The following SBSN variants were observed in gnomAD, a reference collection of about 807,000 sequenced individuals.
The protein encoded by SBSN is HLAR698.
In SBSN, 33 loss-of-function variants were observed where a neutral mutation model predicts 42.8. The observed-to-expected ratio is 0.77, with a 90% CI of 0.58 to 1.03. The LOEUF is 1.03. Among genes scored for constraint, SBSN ranks in the 50% least tolerant of loss-of-function variants. The probability of loss-of-function intolerance (pLI) is 0.00; values close to 1 mark genes in which losing one functional copy is unlikely to be tolerated. For synonymous variants in SBSN, 276 were observed against 307.0 expected, an observed-to-expected ratio of 0.90 and a Z score of 1.06; for missense variants, 646 against 757.3, an observed-to-expected ratio of 0.85 and a Z score of 1.72.
rs147029257 is a variant in SBSN, at chr19:35,524,919, G to T, written c.1644C>A (p.Asn548Lys). Residue 548 changes from asparagine to lysine, a missense_variant, in exon 2 of 4, where the codon AAC becomes AAA. Around this residue, in one of 3 missense-constraint regions of SBSN, gnomAD observed 236 missense variants for 225.6 expected, o/e 1.05. Transcript: ENST00000452271. ...SKEANQLLNG[N>K]HQSGSSSHQG... is the part of the protein sequence containing the mutation. ...GATGGCTGGAAGATCCGCTTTGATG[G>T]TTGCCCTGTGGACAAAGCCCAGACT... 1.2e-5 allele frequency: 19 copies of T among 1,613,862 alleles called. No individual in the cohort carries two copies. In the African/African-American group the frequency reaches 2.5e-4, roughly 22 times the overall value.
rs2146282881 is a variant in SBSN, at chr19:35,526,655, G to T, written c.1627C>A (p.Gln543Lys). The T allele has an allele frequency of 6.9e-6, 11 of 1,595,820 alleles. No individual in the cohort carries two copies. Among genetic ancestry groups the T allele is most frequent in the Non-Finnish European group, 9.4e-6 (11 of 1,173,334 alleles). Reference sequence around the variant, plus strand: ...CCCTGTTCACCTACATTCAGCAGCTGGTTGGCCTCCTTGCTGGCTTGGTTG... The same window carrying T: ...CCCTGTTCACCTACATTCAGCAGCTTGTTGGCCTCCTTGCTGGCTTGGTTG... ...GVNQASKEAN[Q>K]LLNGNHQSGS... The change falls in exon 1 of 4, where the codon CAG (glutamine) becomes AAG (lysine). Residue 543 changes from glutamine to lysine, a missense_variant. This residue lies in a region of SBSN where 236 missense variants were observed against 225.6 expected (regional missense o/e 1.05). Coordinates refer to ENST00000452271, the MANE Select transcript of SBSN (RefSeq NM_001166034.2).
intron 2 of SBSN, 24 bp downstream of exon 2, chr19:35,524,835 C>A (rs1208721108): frequency 6.2e-7 from 1 of 1,613,852 alleles, no homozygotes; most frequent in Non-Finnish European, 8.5e-7. Flanking sequence ...GCCTCCTCTC[C>A]CCTACCCCAG....
intron 3 of SBSN, 56 bp downstream of exon 3, chr19:35,524,655 G>C (rs2071348103): frequency 8.2e-6 from 13 of 1,588,960 alleles, no homozygotes; most frequent in Non-Finnish European, 2.6e-6. Context: ...GAAGGGGTCG[G>C]GGTGAGCGTA....
intron 1 of SBSN, 104 bp from the exon 2 acceptor site, chr19:35,525,028 G>T: frequency 1.6e-6 from 2 of 1,218,148 alleles, no homozygotes; most frequent in Non-Finnish European, 2.4e-6. Flanking sequence ...CTGGGGCTGC[G>T]GTGGGAGGCA....
intron 1 of SBSN, 55 bp from the exon 2 acceptor site, chr19:35,524,979 A>C: frequency 6.3e-7 from 1 of 1,588,190 alleles, no homozygotes; most frequent in Admixed American, 1.7e-5. Context: ...AGGGTCTCCC[A>C]GTTCCTTTTC....
intron 1 of SBSN, among the ~76,000 whole-genome samples, chr19:35,526,399 G>T (rs1037328324): frequency 6.6e-5 from 10 of 152,054 alleles, no homozygotes; most frequent in Non-Finnish European, 1.5e-4. Context: ...GGTGGGACAG[G>T]GTGCCCGCCA....
chr19:35,527,525 C>T lies in SBSN; in HGVS notation c.757G>A (p.Ala253Thr), dbSNP rs1381947536. ...GQGAHHAAGQAGNEAGRFGQG... is the reference protein window; with the variant it reads ...GQGAHHAAGQTGNEAGRFGQG... ...CCAAATCTCCCTGCCTCATTTCCGG[C>T]CTGCCCCGCAGCATGGTGGGCCCCC... is the stretch of plus-strand genomic sequence containing the variant. Residue 253 changes from alanine (A) to threonine (T), a missense_variant, in exon 1 of 4, where the codon GCC becomes ACC. By Grantham distance (58) the Ala-to-Thr change is moderately conservative. Coordinates refer to ENST00000452271, the MANE Select transcript of SBSN (RefSeq NM_001166034.2). The T allele has an allele frequency of 3.3e-6, 5 of 1,527,736 alleles. No homozygotes were observed. The highest frequency in any genetic ancestry group is 4.4e-6 in the Non-Finnish European group (5 of 1,146,838). The allele number at this position is 1,527,736 out of a possible 1,614,324, so 94.6% of individuals were successfully genotyped here. A position where few individuals can be genotyped will look rare whatever the true frequency, so the allele number is the denominator to read the frequency against.
chr19:35,525,527 C>T (rs2071360925), intron 1 of SBSN, among the ~76,000 whole-genome samples: 1 of 149,146 alleles, frequency 6.7e-6, no homozygotes, highest in Admixed American at 6.7e-5. Context: ...GAGCCAGTCA[C>T]ATCTTGCAGA....
In SBSN at chr19:35,526,803, T is replaced by C; in HGVS notation, c.1479A>G (p.Lys493=). The C allele has an allele frequency of 6.2e-7, 1 of 1,602,312 alleles. No homozygotes were observed. The highest frequency in any genetic ancestry group is 1.1e-5 in the South Asian group (1 of 89,246). The part of the protein sequence containing the change: ...GVHQAGKEAE[K]LGQGVNHAAD... ...CAGCATGGTTGACCCCTTGGCCAAGTTTCTCTGCTTCCTTCCCAGCCTGGT... is the reference window on the plus strand; with the variant it reads ...CAGCATGGTTGACCCCTTGGCCAAGCTTCTCTGCTTCCTTCCCAGCCTGGT... Residue 493 remains lysine, a synonymous_variant, in exon 1 of 4, where the codon AAA becomes AAG. Transcript: ENST00000452271.
chr19:35,524,866 G>T lies in SBSN; in HGVS notation c.1697C>A (p.Ala566Asp). The T allele has an allele frequency of 6.2e-7, 1 of 1,614,118 alleles. No individual in the cohort carries two copies. Among genetic ancestry groups the T allele is most frequent in the Non-Finnish European group, 8.5e-7 (1 of 1,180,008 alleles). Residue 566 changes from alanine (A) to aspartate (D), a missense_variant, in exon 2 of 4, where the codon GCC (alanine) becomes GAC (aspartate). Ala to Asp is a moderately radical substitution (Grantham distance 126). Coordinates refer to ENST00000452271, the MANE Select transcript of SBSN (RefSeq NM_001166034.2). ...CCCAGAGTCCGCGCTTACCCCAGAGGCTAACGGCGTGGTTGTGGCCCCTCC... is the reference window on the plus strand; with the variant it reads ...CCCAGAGTCCGCGCTTACCCCAGAGTCTAACGGCGTGGTTGTGGCCCCTCC... Reference protein sequence around the residue: ...HQGGATTTPLASGASVNTPFI... With the variant: ...HQGGATTTPLDSGASVNTPFI...
chr19:35,526,588 A>G, intron 1 of SBSN, 56 bp downstream of exon 1: 6 of 623,304 alleles, frequency 9.6e-6, no homozygotes, highest in Non-Finnish European at 1.3e-5. Context: ...CCAGGGGTTT[A>G]ACCTTTCCCT....
chr19:35,526,790 C>A lies in SBSN; in HGVS notation c.1492G>T (p.Val498Phe), dbSNP rs369207485. Residue 498 changes from valine (V) to phenylalanine (F), a missense_variant, in exon 1 of 4, where the codon GTC (valine) becomes TTC (phenylalanine). Physicochemically the swap from Val to Phe is conservative, Grantham distance 50. This residue lies in a region of SBSN where 236 missense variants were observed against 225.6 expected (regional missense o/e 1.05). Transcript: ENST00000452271. ...CCAGCCTGGTCAGCAGCATGGTTGA[C>A]CCCTTGGCCAAGTTTCTCTGCTTCC... ...GKEAEKLGQG[V>F]NHAADQAGKE... 1 of 1,613,674 alleles carries A rather than the reference C, an allele frequency of 6.2e-7. No homozygotes were observed. The highest frequency in any genetic ancestry group is 8.5e-7 in the Non-Finnish European group (1 of 1,179,932).
intron 3 of SBSN, among the ~76,000 whole-genome samples, chr19:35,524,057 G>A (rs1311263745): frequency 1.3e-5 from 2 of 152,236 alleles, no homozygotes; most frequent in Non-Finnish European, 2.9e-5. Flanking sequence ...GCGCACACCT[G>A]TAATCCCAGC....
intron 3 of SBSN, 72 bp from the exon 4 acceptor site, chr19:35,523,605 G>T: frequency 6.7e-7 from 1 of 1,492,596 alleles, no homozygotes; most frequent in Non-Finnish European, 9.3e-7. Context: ...CCTCAGCCCC[G>T]CCCCTCGGGA....
In SBSN at chr19:35,528,103, T is replaced by C. The variant is rs2146287087; in HGVS notation, c.179A>G (p.His60Arg). The C allele has an allele frequency of 1.2e-6, 2 of 1,614,094 alleles. No homozygotes were observed. Among genetic ancestry groups the C allele is most frequent in the African/African-American group, 1.3e-5 (1 of 75,028 alleles). ...AACCTTCTCCACTTCCCTTCCGGCA[T>C]GCGTGATTCCACTGTTGATGCCATC... ...ALDGINSGITHAGREVEKVFN... is the reference protein window; with the variant it reads ...ALDGINSGITRAGREVEKVFN... The change falls in exon 1 of 4, where the codon CAT becomes CGT. Residue 60 changes from histidine (H) to arginine (R), a missense_variant. Physicochemically the swap from His to Arg is conservative, Grantham distance 29. Coordinates refer to ENST00000452271, the MANE Select transcript of SBSN (RefSeq NM_001166034.2).
chr19:35,526,600 C>T (rs2146282736), intron 1 of SBSN, 44 bp downstream of exon 1: 1 of 702,692 alleles, frequency 1.4e-6, no homozygotes, highest in Non-Finnish European at 2.2e-6. Flanking sequence ...CCTTTCCCTC[C>T]CCCAACCCCC....
Position 35,523,532 on chromosome 19 carries a change from C to T in SBSN, c.1751G>A (p.Ser584Asn), listed in dbSNP as rs554765016. 25 of 1,614,166 alleles carry T rather than the reference C, an allele frequency of 1.5e-5. No individual in the cohort carries two copies. The Admixed American group carries it at 3.2e-4, about 20-fold the overall frequency. The change falls in exon 4 of 4, where the codon AGC (serine) becomes AAC (asparagine). Residue 584 changes from serine (S) to asparagine (N), a missense_variant and splice_region_variant. By Grantham distance (46) the Ser-to-Asn change is conservative (BLOSUM62 1). Transcript: ENST00000452271. ...PFINLPALWR[S>N]VANIMP ...AGTTTAGGGCATGATGTTGGCGACGCTCTGGAAGAGAGAAGGAGAGCAGGG... is the reference window on the plus strand; with the variant it reads ...AGTTTAGGGCATGATGTTGGCGACGTTCTGGAAGAGAGAAGGAGAGCAGGG...
chr19:35,523,601 C>T, intron 3 of SBSN, 68 bp from the exon 4 acceptor site: 4 of 1,518,564 alleles, frequency 2.6e-6, no homozygotes, highest in South Asian at 1.1e-5. Context: ...GAGACCTCAG[C>T]CCCGCCCCTC....
rs187435326 is a variant in SBSN at position 35,528,132 on chromosome 19, G to T, written c.150C>A (p.Ala50=). 3 of 1,613,766 alleles carry T rather than the reference G, an allele frequency of 1.9e-6. No individual in the cohort carries two copies. In the East Asian group the frequency reaches 6.7e-5, roughly 36 times the overall value. ...LSNAEREVGK[A]LDGINSGITH... Reference sequence around the variant, plus strand: ...TGATTCCACTGTTGATGCCATCCAGGGCCTTGCCCACCTCTCTCTCTGCAT... The same window carrying T: ...TGATTCCACTGTTGATGCCATCCAGTGCCTTGCCCACCTCTCTCTCTGCAT... Residue 50 remains alanine (A), a synonymous_variant, in exon 1 of 4, where the codon GCC becomes GCA. Transcript: ENST00000452271.
Sources: allele counts gnomAD v4.1 joint callset (sites outside exome capture counted in the v4.1 genomes callset), GRCh38; gene constraint gnomAD v4.1.1; regional missense constraint gnomAD v4.1.1; transcripts MANE v1.5; gene names NCBI Gene and HGNC (gene_info 2026-07-23, HGNC 2026-07-21).